The following LHFPL2 variants were observed in gnomAD, a reference collection of about 807,000 sequenced individuals.
The protein encoded by LHFPL2 is LHFPL tetraspan subfamily member 2 protein.
Under a neutral mutation model 17.5 loss-of-function variants are expected in LHFPL2, and 7 were observed. The ratio of observed to expected loss-of-function variants is 0.40; its 90% CI spans 0.23 to 0.75. The LOEUF is 0.75. LHFPL2 is among the 30% of genes least tolerant of loss of function. The pLI is 0.37. For synonymous variants in LHFPL2, 134 were observed against 116.2 expected, an observed-to-expected ratio of 1.15 and a Z score of -0.99; for missense variants, 241 against 294.8, an observed-to-expected ratio of 0.82 and a Z score of 1.34.
intron 3 of LHFPL2, among the ~76,000 whole-genome samples, chr5:78,511,367 C>T (rs2112325731): frequency 6.6e-6 from 1 of 152,360 alleles, no homozygotes; most frequent in Non-Finnish European, 1.5e-5. Flanking sequence ...GGAGGAATGA[C>T]TTCATTACCA....
chr5:78,531,292 G>T (rs1376552305), intron 3 of LHFPL2, among the ~76,000 whole-genome samples: 2 of 151,904 alleles, frequency 1.3e-5, no homozygotes, highest in African/African-American at 4.8e-5. Context: ...GTGCATGCCA[G>T]TAATCCCAGC....
chr5:78,502,936 TA>T (rs1754817818), intron 4 of LHFPL2, among the ~76,000 whole-genome samples: 1 of 141,930 alleles, frequency 7.0e-6, no homozygotes, highest in Admixed American at 6.9e-5. Flanking sequence ...TAAAGCATTT[TA>T]ATATTGGCTT....
intron 2 of LHFPL2, among the ~76,000 whole-genome samples, chr5:78,591,239 G>A (rs1004846625): frequency 2.0e-5 from 3 of 152,158 alleles, no homozygotes; most frequent in African/African-American, 7.2e-5. Flanking sequence ...ACCCCCTAAT[G>A]ACCAATGTTT....
intron 2 of LHFPL2, among the ~76,000 whole-genome samples, chr5:78,581,217 T>A (rs929684896): frequency 1.3e-5 from 2 of 152,228 alleles, no homozygotes; most frequent in Non-Finnish European, 1.5e-5. Flanking sequence ...TTTCTAGATA[T>A]ACAATCATGT....
intron 2 of LHFPL2, among the ~76,000 whole-genome samples, chr5:78,566,637 T>C (rs1392457965): frequency 6.6e-6 from 1 of 152,162 alleles, no homozygotes. Flanking sequence ...TTTGTATTTT[T>C]AGTAGAGACA....
At chr5:78,584,244 C>T (rs1157885839) in intron 2 of LHFPL2, among the ~76,000 whole-genome samples, 1 of 152,076 alleles carries the variant, frequency 6.6e-6, no homozygotes, top group Non-Finnish European at 1.5e-5. Context: ...TCCCGTAGCT[C>T]GGAGTAATTT....
chr5:78,503,284 A>G (rs1754828615), intron 4 of LHFPL2, among the ~76,000 whole-genome samples: 1 of 152,218 alleles, frequency 6.6e-6, no homozygotes, highest in Non-Finnish European at 1.5e-5. Context: ...TTATGTCGAC[A>G]ATTAAGTAGT....
At chr5:78,559,375 A>G (rs1168297809) in intron 3 of LHFPL2, among the ~76,000 whole-genome samples, 1 of 152,224 alleles carries the variant, frequency 6.6e-6, no homozygotes, top group Non-Finnish European at 1.5e-5. Flanking sequence ...CATCGAGGAT[A>G]TACTACAAAA....
rs966853345 is a variant in LHFPL2 at position 78,487,002 on chromosome 5, C to G, written c.*1895G>C. On this transcript the variant is annotated 3_prime_UTR_variant, in exon 5 of 5. Coordinates refer to ENST00000380345, the MANE Select transcript of LHFPL2 (RefSeq NM_005779.3). ...GAGACAGAAGCTTTGTCCAGTGGCT[C>G]CTCCAGCCTCTTTCTGTGTGGTGTT... 6.6e-6 allele frequency: 1 copy of G among 152,138 alleles called. No homozygotes were observed. Among genetic ancestry groups the G allele is most frequent in the Non-Finnish European group, 1.5e-5 (1 of 68,024 alleles). The allele number at this position is 152,138 out of a possible 1,614,324, so 9.4% of individuals were successfully genotyped here. A position where few individuals can be genotyped will look rare whatever the true frequency, so the allele number is the denominator to read the frequency against.
At chr5:78,577,500 A>G (rs1432295000) in intron 2 of LHFPL2, among the ~76,000 whole-genome samples, 1 of 152,164 alleles carries the variant, frequency 6.6e-6, no homozygotes, top group East Asian at 1.9e-4. Context: ...AAAAGGTGCC[A>G]TTTAAACGCT....
At chr5:78,509,633 C>T in intron 4 of LHFPL2, 151 bp downstream of exon 4, 1 of 741,430 alleles carries the variant, frequency 1.3e-6, no homozygotes, top group Non-Finnish European at 2.2e-6. Flanking sequence ...ACACAAACGT[C>T]GCCTAGAACG....
Position 78,619,321 on chromosome 5 carries a change from C to G in LHFPL2, c.-245+12943G>C, listed in dbSNP as rs182765465. 1.3e-3 allele frequency among the ~76,000 whole-genome samples: 199 copies of G among 152,236 alleles called. 6 individuals carry two copies. The East Asian group carries it at 0.026, about 20-fold the overall frequency. ...GGGATTACAGGAGTGAGCCATGGTG[C>G]TGGCCCCAATCACTTTTCTTTATAG... On this transcript the variant is annotated intron_variant, in intron 2 of 4. Transcript: ENST00000380345.
At chr5:78,606,967 C>T (rs1744235924) in intron 2 of LHFPL2, among the ~76,000 whole-genome samples, 1 of 151,202 alleles carries the variant, frequency 6.6e-6, no homozygotes, top group Non-Finnish European at 1.5e-5. Flanking sequence ...ATGAGCCATA[C>T]ACAGGCAAGC....
chr5:78,581,515 G>C (rs572903783), intron 2 of LHFPL2, among the ~76,000 whole-genome samples: 42 of 152,216 alleles, frequency 2.8e-4, no homozygotes, highest in African/African-American at 9.9e-4. Context: ...GTTGAATTTT[G>C]TCAAAGGCCT....
At chr5:78,541,241 C>G (rs768995593) in intron 3 of LHFPL2, among the ~76,000 whole-genome samples, 5 of 152,110 alleles carry the variant, frequency 3.3e-5, no homozygotes, top group Non-Finnish European at 7.4e-5. Context: ...CCGAGTGAAG[C>G]TGGGGGAGGT....
At chr5:78,523,400 A>G (rs1755518616) in intron 3 of LHFPL2, among the ~76,000 whole-genome samples, 1 of 152,156 alleles carries the variant, frequency 6.6e-6, no homozygotes, top group African/African-American at 2.4e-5. Context: ...CTCTCAGTGT[A>G]CAGAAAGCCT....
intron 3 of LHFPL2, among the ~76,000 whole-genome samples, chr5:78,521,066 C>A (rs992546869): frequency 5.3e-5 from 8 of 152,182 alleles, no homozygotes; most frequent in Non-Finnish European, 1.0e-4. Context: ...AAGAAAGGTG[C>A]CAACTGATTA....
chr5:78,541,637 C>T lies in LHFPL2; in HGVS notation c.-186+23176G>A, dbSNP rs1470151583. On this transcript the variant is annotated intron_variant, in intron 3 of 4. Coordinates refer to ENST00000380345, the MANE Select transcript of LHFPL2 (RefSeq NM_005779.3). ...TGCAGTGAGGTGTGTGACCAGCCTG[C>T]CACCTGATAAATCAGTTACTAAAAC... 2.0e-5 allele frequency among the ~76,000 whole-genome samples: 3 copies of T among 152,174 alleles called. No homozygotes were observed. In the East Asian group the frequency reaches 5.8e-4, roughly 29 times the overall value.
chr5:78,576,560 C>A (rs539397869), intron 2 of LHFPL2, among the ~76,000 whole-genome samples: 1 of 152,288 alleles, frequency 6.6e-6, no homozygotes, highest in East Asian at 1.9e-4. Flanking sequence ...TGCCACTATG[C>A]TGTAGGCGTC....
Sources: gnomAD v4.1 joint callset for allele counts (sites outside exome capture counted in the v4.1 genomes callset) on GRCh38, gnomAD v4.1.1 for gene constraint, MANE v1.5 for transcripts, NCBI Gene and HGNC (gene_info 2026-07-23, HGNC 2026-07-21) for gene names.